RBFOX1: variants seen among roughly 807,000 people sequenced by gnomAD.
RBFOX1 encodes the protein RNA binding protein fox-1 homolog 1.
A neutral mutation model predicts 57.7 loss-of-function variants in RBFOX1; 8 were observed. That is an observed-to-expected ratio of 0.14 (90% confidence interval 0.08 to 0.25). The LOEUF (loss-of-function observed/expected upper bound fraction) is 0.25. RBFOX1 is among the 10% of genes least tolerant of loss of function. The pLI is 1.00. For missense variants in RBFOX1, 611 were observed against 548.5 expected (o/e 1.11, Z -1.14); for synonymous variants, 326 against 222.4 (o/e 1.47, Z -4.15).
chr16:7,506,211 AAAAAAAT>A (rs1490358000), intron 4 of RBFOX1, among the ~76,000 whole-genome samples: 14 of 148,710 alleles, frequency 9.4e-5, no homozygotes, highest in African/African-American at 3.3e-4. Context: ...AAAAAAAAAA[AAAAAAAT>A]TTCTGTAAGC....
chr16:7,270,145 G>A (rs77722317), intron 4 of RBFOX1, among the ~76,000 whole-genome samples: 1,957 of 152,338 alleles, frequency 0.013, 14 homozygotes, highest in Non-Finnish European at 0.017. Context: ...TGGGAACCCA[G>A]TGTAGGCAAT....
At chr16:6,321,427 C>G (rs777811409) in intron 2 of RBFOX1, among the ~76,000 whole-genome samples, 1 of 152,160 alleles carries the variant, frequency 6.6e-6, no homozygotes, top group African/African-American at 2.4e-5. Flanking sequence ...GCTACTGTCT[C>G]AAGCCCCAAA....
chr16:6,809,037 T>C (rs192278389), intron 3 of RBFOX1, among the ~76,000 whole-genome samples: 174 of 152,262 alleles, frequency 1.1e-3, no homozygotes, highest in Non-Finnish European at 1.5e-3. Flanking sequence ...CCTGTAACAA[T>C]AGTTGAGTCT....
chr16:6,613,682 T>TA (rs1307345681), intron 2 of RBFOX1, among the ~76,000 whole-genome samples: 1 of 152,156 alleles, frequency 6.6e-6, no homozygotes, highest in Middle Eastern at 3.2e-3. Context: ...TCTCATTTTT[T>TA]AAAAAAGGTA....
chr16:7,652,556 C>T (rs779927393), intron 11 of RBFOX1, among the ~76,000 whole-genome samples: 1 of 152,076 alleles, frequency 6.6e-6, no homozygotes, highest in Non-Finnish European at 1.5e-5. Flanking sequence ...TATAGGCATG[C>T]GCCACCACGC....
intron 4 of RBFOX1, among the ~76,000 whole-genome samples, chr16:7,169,463 G>A (rs188768344): frequency 5.3e-5 from 8 of 152,276 alleles, no homozygotes; most frequent in Admixed American, 5.2e-4. Flanking sequence ...AGATTCAGTA[G>A]CACCTGCCTC....
chr16:5,281,552 GTC>G (rs1207337723), intron 1 of RBFOX1, among the ~76,000 whole-genome samples: 2 of 152,086 alleles, frequency 1.3e-5, no homozygotes, highest in African/African-American at 2.4e-5. Flanking sequence ...CATTATATTG[GTC>G]TCTATCTCTC....
intron 1 of RBFOX1, among the ~76,000 whole-genome samples, chr16:6,314,706 T>G (rs2080854372): frequency 1.3e-5 from 2 of 152,154 alleles, no homozygotes; most frequent in Admixed American, 1.3e-4. Context: ...TGGTAGCTAT[T>G]ATTTTTAATA....
intron 3 of RBFOX1, among the ~76,000 whole-genome samples, chr16:6,833,122 T>G (rs918996476): frequency 6.6e-6 from 1 of 151,702 alleles, no homozygotes; most frequent in Non-Finnish European, 1.5e-5. Context: ...TGTGGCACTT[T>G]CCTTTTTTTT....
intron 1 of RBFOX1, among the ~76,000 whole-genome samples, chr16:6,296,917 G>C (rs1346777668): frequency 1.3e-5 from 2 of 152,146 alleles, no homozygotes; most frequent in Non-Finnish European, 1.5e-5. Context: ...CTGTTTATTA[G>C]GAAATTAAAG....
rs140658765 is a variant in RBFOX1, at chr16:5,947,877, G to A, written c.351+80542G>A. 5.0e-4 allele frequency among the ~76,000 whole-genome samples: 76 copies of A among 152,320 alleles called. No individual in the cohort carries two copies. The South Asian group carries it at 0.011, about 23-fold the overall frequency. On this transcript the variant is annotated intron_variant, in intron 4 of 19. Transcript: ENST00000641259. The surrounding 1 kb of genome is among the most constrained non-coding windows in gnomAD (Gnocchi z 7.2). Reference sequence around the variant, plus strand: ...TTGTAATTACCGGGCCACCCGTAACGGGAGTTTATGTAATTATTAGTTTGA... The same window carrying A: ...TTGTAATTACCGGGCCACCCGTAACAGGAGTTTATGTAATTATTAGTTTGA...
At chr16:6,877,008 A>C in intron 3 of RBFOX1, among the ~76,000 whole-genome samples, 1 of 152,272 alleles carries the variant, frequency 6.6e-6, no homozygotes, top group South Asian at 2.1e-4. Context: ...ACAAATGCAT[A>C]CTATATTTCT....
intron 3 of RBFOX1, among the ~76,000 whole-genome samples, chr16:6,709,334 G>A (rs1264951410): frequency 6.6e-6 from 1 of 152,024 alleles, no homozygotes; most frequent in Non-Finnish European, 1.5e-5. Context: ...ATTAATTAAA[G>A]GGTTTCATTT....
At chr16:5,838,294 G>T in intron 3 of RBFOX1, 1 of 223,080 alleles carries the variant, frequency 4.5e-6, no homozygotes. Context: ...GTGGCGGCCT[G>T]CCTCTTTCCA....
intron 4 of RBFOX1, among the ~76,000 whole-genome samples, chr16:7,186,908 A>G (rs914448309): frequency 2.0e-5 from 3 of 149,860 alleles, no homozygotes; most frequent in Non-Finnish European, 4.4e-5. Flanking sequence ...TTGTAATTTC[A>G]GCACTTTGGG....
At chr16:6,639,050 A>C (rs2098466119) in intron 2 of RBFOX1, among the ~76,000 whole-genome samples, 1 of 152,206 alleles carries the variant, frequency 6.6e-6, no homozygotes, top group Non-Finnish European at 1.5e-5. Flanking sequence ...CCACCCAGCC[A>C]CCTACAAAGC....
At chr16:6,666,539 C>T (rs62017894) in intron 3 of RBFOX1, among the ~76,000 whole-genome samples, 1 of 102,260 alleles carries the variant, frequency 9.8e-6, no homozygotes, top group Non-Finnish European at 1.9e-5. Context: ...GACTCTGTCT[C>T]CAAAAAAAAA....
intron 4 of RBFOX1, among the ~76,000 whole-genome samples, chr16:5,960,505 C>T (rs955785640): frequency 2.6e-5 from 4 of 152,096 alleles, no homozygotes; most frequent in Admixed American, 1.3e-4. Flanking sequence ...AAACACATTC[C>T]CCAGATGTAG....
At chr16:6,730,198 G>A (rs1274895422) in intron 3 of RBFOX1, among the ~76,000 whole-genome samples, 2 of 152,078 alleles carry the variant, frequency 1.3e-5, no homozygotes, top group African/African-American at 2.4e-5. Context: ...AAGAGGAGGG[G>A]ACATAGGAAC....
Sources: allele counts gnomAD v4.1 joint callset (sites outside exome capture counted in the v4.1 genomes callset), GRCh38; gene constraint gnomAD v4.1.1; non-coding constraint Gnocchi (gnomAD v3.1); transcripts MANE v1.5; gene names NCBI Gene and HGNC (gene_info 2026-07-23, HGNC 2026-07-21).